Variants in FRMD5 observed in about 807,000 individuals in gnomAD.
The protein encoded by FRMD5 is FERM domain-containing protein 5.
A neutral mutation model predicts 69.0 loss-of-function variants in FRMD5; 20 were observed. That is an observed-to-expected ratio of 0.29 (90% CI 0.20 to 0.42). FRMD5 has a LOEUF of 0.42. Ranked by LOEUF, FRMD5 falls within the 10% of genes least tolerant of loss-of-function variation. The pLI, the probability that FRMD5 is intolerant of heterozygous loss-of-function variation, is 1.00. For missense variants in FRMD5, 595 were observed against 708.6 expected, an observed-to-expected ratio of 0.84 and a Z score of 1.82; for synonymous variants, 271 against 260.1, an observed-to-expected ratio of 1.04 and a Z score of -0.40.
chr15:43,977,041 C>A (rs937304458), intron 1 of FRMD5, among the ~76,000 whole-genome samples: 1 of 152,048 alleles, frequency 6.6e-6, no homozygotes, highest in African/African-American at 2.4e-5. Context: ...ACCATGTTAG[C>A]CAGTCTGGTC....
At chr15:43,904,082 C>T (rs76847582) in intron 6 of FRMD5, among the ~76,000 whole-genome samples, 4 of 152,014 alleles carry the variant, frequency 2.6e-5, no homozygotes, top group African/African-American at 4.8e-5. Context: ...GTCGCCATTC[C>T]GCTGGGAGGG....
intron 1 of FRMD5, among the ~76,000 whole-genome samples, chr15:43,980,125 C>T (rs949329797): frequency 2.6e-5 from 4 of 152,286 alleles, no homozygotes; most frequent in East Asian, 3.9e-4. Flanking sequence ...CTTGTTTACT[C>T]GTTTAATGTA....
intron 1 of FRMD5, among the ~76,000 whole-genome samples, chr15:44,148,528 C>T (rs1470074608): frequency 6.6e-6 from 1 of 152,176 alleles, no homozygotes; most frequent in African/African-American, 2.4e-5. Flanking sequence ...GCCTCGGCCT[C>T]CCAAAGTGCT....
At chr15:43,994,127 T>C (rs11631340) in intron 1 of FRMD5, among the ~76,000 whole-genome samples, 125,307 of 152,158 alleles carry the variant, frequency 0.82, 54,472 homozygotes, top group Non-Finnish European at 0.95. Flanking sequence ...TTGTTAGTTG[T>C]TTTCTGATTG....
intron 6 of FRMD5, among the ~76,000 whole-genome samples, chr15:43,904,999 C>T (rs2089136680): frequency 6.6e-6 from 1 of 152,154 alleles, no homozygotes; most frequent in Admixed American, 6.5e-5. Context: ...ACTTCTGAAC[C>T]AGAGTGCTCC....
At chr15:43,941,887 G>A (rs1352467974) in intron 1 of FRMD5, among the ~76,000 whole-genome samples, 1 of 152,130 alleles carries the variant, frequency 6.6e-6, no homozygotes, top group Non-Finnish European at 1.5e-5. Context: ...TCCATCAGCA[G>A]GAGCCTTTGG....
intron 1 of FRMD5, among the ~76,000 whole-genome samples, chr15:44,135,750 G>C (rs971416242): frequency 5.3e-5 from 8 of 150,262 alleles, no homozygotes; most frequent in African/African-American, 2.0e-4. Flanking sequence ...GCTTGAATCC[G>C]GAAGGTAGAG....
chr15:43,986,800 GT>G (rs142191125), intron 1 of FRMD5, among the ~76,000 whole-genome samples: 13 of 146,230 alleles, frequency 8.9e-5, no homozygotes, highest in Admixed American at 1.4e-4. Context: ...TGGGGTTTTT[GT>G]TTTTTTTTTA....
At chr15:43,948,455 ATTAAAAATCTGT>A (rs145843546) in intron 1 of FRMD5, among the ~76,000 whole-genome samples, 6,618 of 152,290 alleles carry the variant, frequency 0.043, 436 homozygotes, top group African/African-American at 0.14. Flanking sequence ...AAGTTAAAGA[ATTAAAAATCTGT>A]TTGGATTTTT....
intron 1 of FRMD5, among the ~76,000 whole-genome samples, chr15:44,154,542 G>A (rs893889163): frequency 1.5e-4 from 23 of 152,260 alleles, no homozygotes; most frequent in Middle Eastern, 3.4e-3. Flanking sequence ...TATAATCAGT[G>A]CATACTTAGA....
chr15:44,101,078 G>A (rs1267003529), intron 1 of FRMD5, among the ~76,000 whole-genome samples: 1 of 151,852 alleles, frequency 6.6e-6, no homozygotes, highest in Non-Finnish European at 1.5e-5. Flanking sequence ...GAACTCAGGA[G>A]GCGGAGGTTG....
intron 8 of FRMD5, among the ~76,000 whole-genome samples, chr15:43,889,615 G>A (rs528560753): frequency 6.6e-6 from 1 of 152,302 alleles, no homozygotes; most frequent in Admixed American, 6.5e-5. Flanking sequence ...ACATGGCACG[G>A]CCTAGACCTC....
chr15:44,064,440 A>G (rs1220560237), intron 1 of FRMD5: 2 of 152,552 alleles, frequency 1.3e-5, no homozygotes, highest in African/African-American at 4.8e-5. Flanking sequence ...AAAATACAAA[A>G]TTAGCTGGGC....
Position 44,048,447 on chromosome 15 carries a change from T to C in FRMD5, c.103-124138A>G, listed in dbSNP as rs12442003. ...TGAGTTGTAAGAGTTCTTCATATAT[T>C]CTGGATATGAGTCCCTTATCAGTTA... On this transcript the variant is annotated intron_variant, in intron 1 of 13. Coordinates refer to ENST00000417257, the MANE Select transcript of FRMD5 (RefSeq NM_032892.5). Among the ~76,000 whole-genome samples, 1,382 of 152,330 alleles carry C rather than the reference T, an allele frequency of 9.1e-3. 46 individuals carry two copies. In the East Asian group the frequency reaches 0.11, roughly 12 times the overall value.
At chr15:43,961,303 GAAGA>G (rs2090196005) in intron 1 of FRMD5, among the ~76,000 whole-genome samples, 1 of 152,180 alleles carries the variant, frequency 6.6e-6, no homozygotes, top group Non-Finnish European at 1.5e-5. Context: ...AGAAAATCTA[GAAGA>G]AATGGAGAAA....
At chr15:43,899,156 CTCT>C (rs1376993299) in intron 7 of FRMD5, among the ~76,000 whole-genome samples, 1 of 152,218 alleles carries the variant, frequency 6.6e-6, no homozygotes, top group African/African-American at 2.4e-5. Flanking sequence ...CTTATTTCAG[CTCT>C]TCTTGTAGCA....
intron 1 of FRMD5, among the ~76,000 whole-genome samples, chr15:44,175,657 T>C (rs2140544370): frequency 6.6e-6 from 1 of 152,280 alleles, no homozygotes; most frequent in Non-Finnish European, 1.5e-5. Flanking sequence ...TAAAAACCTG[T>C]ATGTGAATGT....
chr15:44,189,889 T>G (rs980368664), intron 1 of FRMD5, among the ~76,000 whole-genome samples: 1 of 152,156 alleles, frequency 6.6e-6, no homozygotes, highest in African/African-American at 2.4e-5. Context: ...GAATTGGCGA[T>G]TTGCTGTCTT....
chr15:44,047,343 G>A (rs1892472731), intron 1 of FRMD5, among the ~76,000 whole-genome samples: 1 of 151,866 alleles, frequency 6.6e-6, no homozygotes, highest in South Asian at 2.1e-4. Context: ...GAAAGGAGGG[G>A]AGAGGGAAAA....
Sources: gnomAD v4.1 joint callset for allele counts (sites outside exome capture counted in the v4.1 genomes callset) on GRCh38, gnomAD v4.1.1 for gene constraint, MANE v1.5 for transcripts, NCBI Gene and HGNC (gene_info 2026-07-23, HGNC 2026-07-21) for gene names.